SYTL4: variants seen among roughly 807,000 people sequenced by gnomAD.
SYTL4 encodes the protein synaptotagmin like 4.
In SYTL4, 16 loss-of-function variants were observed where a neutral mutation model predicts 52.7. The observed-to-expected ratio is 0.30, with a 90% CI of 0.21 to 0.46. The LOEUF (loss-of-function observed/expected upper bound fraction) is 0.46, where lower values mean the gene tolerates loss of function less well. SYTL4 is among the 20% of genes least tolerant of loss of function. SYTL4 has a pLI of 1.00. For synonymous variants in SYTL4, 160 were observed against 186.6 expected, an observed-to-expected ratio of 0.86 and a Z score of 1.16; for missense variants, 423 against 519.9, an observed-to-expected ratio of 0.81 and a Z score of 1.81.
chrX:100,691,070 G>A, intron 9 of SYTL4, 38 bp downstream of exon 9: 1 of 1,030,766 alleles, frequency 9.7e-7, no homozygotes, highest in East Asian at 3.1e-5. Flanking sequence ...ATCACAACTT[G>A]GGTTGAGAGG....
chrX:100,727,898 G>C (rs1013835596), intron 2 of SYTL4, among the ~76,000 whole-genome samples: 3 of 111,767 alleles, frequency 2.7e-5, no homozygotes, highest in Admixed American at 9.5e-5. Flanking sequence ...GGGCAATCGG[G>C]AGTGCCGTTT....
chrX:100,691,102 C>A lies in SYTL4; in HGVS notation c.641+6G>T, dbSNP rs1161561562. The A allele has an allele frequency of 1.7e-6, 2 of 1,186,923 alleles. No homozygotes were observed. Among genetic ancestry groups the A allele is most frequent in the African/African-American group, 1.8e-5 (1 of 57,015 alleles). On this transcript the variant is annotated splice_donor_region_variant and intron_variant, in intron 9 of 19. Coordinates refer to ENST00000372989, the MANE Select transcript of SYTL4 (RefSeq NM_001370165.1). ...GAGGAGATGAGGGAAATGGGGGGAA[C>A]CCCACCTGGAGGTGCTATCCGAGTC...
chrX:100,686,205 C>T (rs2083470980), intron 15 of SYTL4, 54 bp from the exon 16 acceptor site: 7 of 1,100,563 alleles, frequency 6.4e-6, no homozygotes, highest in Non-Finnish European at 8.5e-6. Flanking sequence ...ATTCTTCAGA[C>T]AAGATTATTC....
intron 3 of SYTL4, among the ~76,000 whole-genome samples, chrX:100,703,759 G>A (rs1046890720): frequency 4.5e-5 from 5 of 111,914 alleles, no homozygotes; most frequent in Non-Finnish European, 9.4e-5. Context: ...ACATTATGTC[G>A]CCATTAAAAA....
chrX:100,695,779 C>T (rs993433355), intron 8 of SYTL4, among the ~76,000 whole-genome samples: 4 of 111,961 alleles, frequency 3.6e-5, no homozygotes, highest in Admixed American at 9.5e-5. Context: ...TAGACATCTG[C>T]GAAACTATCA....
chrX:100,714,461 G>GT (rs764807856), intron 2 of SYTL4, among the ~76,000 whole-genome samples: 19 of 110,860 alleles, frequency 1.7e-4, no homozygotes, highest in African/African-American at 6.2e-4. Context: ...GGGTTTCACC[G>GT]TGTTAGCCAG....
At chrX:100,708,597 T>C (rs1358611695) in intron 2 of SYTL4, among the ~76,000 whole-genome samples, 1 of 112,316 alleles carries the variant, frequency 8.9e-6, no homozygotes. Flanking sequence ...TATTTCAAAT[T>C]CTAAAGACCA....
At chrX:100,691,241 G>A in intron 8 of SYTL4, 32 bp from the exon 9 acceptor site, 1 of 1,089,375 alleles carries the variant, frequency 9.2e-7, no homozygotes, top group Non-Finnish European at 1.3e-6. Flanking sequence ...AATATTGAAA[G>A]GAAGCAGGTT....
intron 12 of SYTL4, 120 bp from the exon 13 acceptor site, chrX:100,688,563 CTT>C (rs746602688): frequency 0.034 from 10,413 of 310,350 alleles, no homozygotes; most frequent in Middle Eastern, 0.042. Context: ...ACACATACTT[CTT>C]TTTTTTTTTT....
chrX:100,676,851 G>A (rs10521493), intron 19 of SYTL4, among the ~76,000 whole-genome samples: 1,582 of 111,257 alleles, frequency 0.014, 49 homozygotes, highest in South Asian at 0.14. Context: ...AGTGAGGATC[G>A]TATGTGGCCC....
At chrX:100,702,622 T>C (rs1055785321) in intron 4 of SYTL4, among the ~76,000 whole-genome samples, 4 of 111,873 alleles carry the variant, frequency 3.6e-5, no homozygotes, top group African/African-American at 1.3e-4. Context: ...CCCTACTCTA[T>C]CTCTCAAAGT....
At chrX:100,703,841 A>T (rs2083904166) in intron 3 of SYTL4, among the ~76,000 whole-genome samples, 1 of 112,433 alleles carries the variant, frequency 8.9e-6, no homozygotes, top group Admixed American at 9.4e-5. Flanking sequence ...ACAATAAAAA[A>T]TGATCTTTTA....
Position 100,675,347 on chromosome X carries a change from T to A in SYTL4, c.*681A>T, listed in dbSNP as rs1329508278. ...GTGCTTTTCAAAAGCAGCTCCATTA[T>A]AAGAGTCCCCCAAAGGTCTAGTAAA... On this transcript the variant is annotated 3_prime_UTR_variant, in exon 20 of 20. Coordinates refer to ENST00000372989, the MANE Select transcript of SYTL4 (RefSeq NM_001370165.1). 8.9e-6 allele frequency: 1 copy of A among 112,431 alleles called. No homozygotes were observed. The highest frequency in any genetic ancestry group is 3.2e-5 in the African/African-American group (1 of 30,840). 9.3% of individuals were successfully genotyped at this position (112,431 alleles called of 1,213,427 possible). A position where few individuals can be genotyped will look rare whatever the true frequency, so the allele number is the denominator to read the frequency against.
At chrX:100,719,179 C>T (rs1002518042) in intron 2 of SYTL4, among the ~76,000 whole-genome samples, 4 of 111,535 alleles carry the variant, frequency 3.6e-5, no homozygotes, top group African/African-American at 1.3e-4. Flanking sequence ...TTATTATGTA[C>T]CATGCACTCT....
rs2083516044 is a variant in SYTL4 at position 100,688,451 on chromosome X, A to T, written c.913-8T>A. On this transcript the variant is annotated splice_polypyrimidine_tract_variant and splice_region_variant and intron_variant, in intron 12 of 19. Transcript: ENST00000372989. Reference sequence around the variant, plus strand: ...TTCTTCTTCTTCCTCTTCCTGGAACAATAAATATAAATTCAGAGTTAATAA... The same window carrying T: ...TTCTTCTTCTTCCTCTTCCTGGAACTATAAATATAAATTCAGAGTTAATAA... 8.5e-7 allele frequency: 1 copy of T among 1,170,679 alleles called. No homozygotes were observed. The highest frequency in any genetic ancestry group is 1.2e-6 in the Non-Finnish European group (1 of 864,374).
intron 2 of SYTL4, among the ~76,000 whole-genome samples, chrX:100,706,307 G>A (rs993194839): frequency 8.9e-6 from 1 of 112,069 alleles, no homozygotes; most frequent in African/African-American, 3.2e-5. Flanking sequence ...AGTCCCATCA[G>A]ACATGCTTGT....
intron 2 of SYTL4, among the ~76,000 whole-genome samples, chrX:100,716,450 CAAAAAAAAAAAAAAAAA>C (rs200368843): frequency 0.01 from 258 of 25,767 alleles, 3 homozygotes; most frequent in Non-Finnish European, 0.01. Flanking sequence ...AACTCCATCT[CAAAAAAAAAAAAAAAAA>C]AAAAAAAAAA....
intron 2 of SYTL4, among the ~76,000 whole-genome samples, chrX:100,708,851 T>C (rs925488769): frequency 2.7e-5 from 3 of 112,483 alleles, no homozygotes; most frequent in Non-Finnish European, 3.8e-5. Context: ...AAGACACAAG[T>C]AATGTCCCTG....
chrX:100,714,470 A>G (rs1161429670), intron 2 of SYTL4, among the ~76,000 whole-genome samples: 3 of 111,264 alleles, frequency 2.7e-5, no homozygotes, highest in Non-Finnish European at 5.6e-5. Context: ...CGTGTTAGCC[A>G]GGATGGTCTC....
Sources: gnomAD v4.1 joint callset for allele counts (sites outside exome capture counted in the v4.1 genomes callset) on GRCh38, gnomAD v4.1.1 for gene constraint, MANE v1.5 for transcripts, NCBI Gene and HGNC (gene_info 2026-07-23, HGNC 2026-07-21) for gene names.